The following TENT5D variants were observed in gnomAD, a reference collection of about 807,000 sequenced individuals.
TENT5D encodes the protein cancer/testis antigen 112.
For synonymous variants in TENT5D, 103 were observed against 100.6 expected (o/e 1.02, Z -0.15); for missense variants, 191 against 287.0 (o/e 0.67, Z 2.42).
At chrX:80,394,914 C>A (rs1462924310) in intron 3 of TENT5D, among the ~76,000 whole-genome samples, 1 of 111,168 alleles carries the variant, frequency 9.0e-6, no homozygotes, top group Non-Finnish European at 1.9e-5. Flanking sequence ...ATATGCAATA[C>A]ATTATCGTTA....
At chrX:80,427,396 T>C (rs1368298241) in intron 1 of TENT5D, among the ~76,000 whole-genome samples, 1 of 112,421 alleles carries the variant, frequency 8.9e-6, no homozygotes, top group Admixed American at 9.5e-5. Flanking sequence ...GCAAACCTAC[T>C]ATGTGACTTG....
chrX:80,421,080 A>T (rs1931874285), intron 1 of TENT5D, among the ~76,000 whole-genome samples: 1 of 112,545 alleles, frequency 8.9e-6, no homozygotes, highest in Admixed American at 9.4e-5. Flanking sequence ...TCAGGTAATC[A>T]AGCATGTTTA....
Position 80,372,864 on chromosome X carries a change from G to T in TENT5D, c.-142+30300G>T, listed in dbSNP as rs750326068. ...ATCTCACCACTGCACTCTAGCCTGG[G>T]CAACAGAGCGAGACTCTATCTCAAA... is the stretch of plus-strand genomic sequence containing the variant. On this transcript the variant is annotated intron_variant, in intron 3 of 4. Transcript: ENST00000538312. 5.0e-5 allele frequency among the ~76,000 whole-genome samples: 5 copies of T among 99,497 alleles called. No homozygotes were observed. The East Asian group carries it at 1.6e-3, about 32-fold the overall frequency. The allele number at this position is 99,497 out of a possible 115,157, so 86.4% of individuals were successfully genotyped here. A position where few individuals can be genotyped will look rare whatever the true frequency, so the allele number is the denominator to read the frequency against.
chrX:80,393,439 C>T (rs1243137499), intron 3 of TENT5D, among the ~76,000 whole-genome samples: 1 of 110,670 alleles, frequency 9.0e-6, no homozygotes, highest in Non-Finnish European at 1.9e-5. Context: ...TTACATATTA[C>T]AAACTTGTAT....
upstream of TENT5D, among the ~76,000 whole-genome samples, chrX:80,417,143 T>G (rs1444150195): frequency 9.0e-6 from 1 of 111,250 alleles, no homozygotes; most frequent in Non-Finnish European, 1.9e-5. Flanking sequence ...TTTTCTATTT[T>G]CCATTTGTAT....
intron 3 of TENT5D, among the ~76,000 whole-genome samples, chrX:80,361,420 A>G (rs1302616352): frequency 8.9e-6 from 1 of 112,465 alleles, no homozygotes; most frequent in Non-Finnish European, 1.9e-5. Context: ...TTTGTAAAAC[A>G]TAATTACTGC....
chrX:80,391,404 TTAAAC>T (rs759167504), intron 3 of TENT5D, among the ~76,000 whole-genome samples: 104 of 112,227 alleles, frequency 9.3e-4, no homozygotes, highest in Non-Finnish European at 1.6e-3. Flanking sequence ...ATTATATACT[TTAAAC>T]TAAATAATAT....
chrX:80,445,228 A>C (rs778216710), exon 3 of TENT5D: 1 of 122,759 alleles, frequency 8.1e-6, no homozygotes, highest in South Asian at 3.7e-4. Flanking sequence ...ATATCACAGA[A>C]CCCTGAGGCT....
intron 3 of TENT5D, among the ~76,000 whole-genome samples, chrX:80,374,152 T>C (rs1444148537): frequency 1.8e-5 from 2 of 111,622 alleles, no homozygotes; most frequent in African/African-American, 6.5e-5. Context: ...ATTCCAACCA[T>C]GTACCTGCAA....
chrX:80,445,114 A>G (rs1932359079), exon 3 of TENT5D: 1 of 122,588 alleles, frequency 8.2e-6, no homozygotes, highest in Non-Finnish European at 1.9e-5. Flanking sequence ...GTATTACAAT[A>G]TTGGACAGAA....
chrX:80,374,136 C>G (rs924478410), intron 3 of TENT5D, among the ~76,000 whole-genome samples: 26 of 111,255 alleles, frequency 2.3e-4, no homozygotes, highest in Non-Finnish European at 3.8e-5. Context: ...AGGTTAATGA[C>G]CTCCAATTCC....
chrX:80,356,543 A>C (rs1930288774), intron 3 of TENT5D, among the ~76,000 whole-genome samples: 1 of 111,376 alleles, frequency 9.0e-6, no homozygotes, highest in African/African-American at 3.3e-5. Context: ...ATAATTTTAC[A>C]GTTATTAAAT....
At chrX:80,433,288 G>A (rs971163545) in intron 1 of TENT5D, among the ~76,000 whole-genome samples, 1 of 112,121 alleles carries the variant, frequency 8.9e-6, no homozygotes, top group Non-Finnish European at 1.9e-5. Flanking sequence ...TCCTTCATCT[G>A]AGTGGGCCAG....
chrX:80,417,479 G>C (rs1487000899), upstream of TENT5D, among the ~76,000 whole-genome samples: 2 of 107,455 alleles, frequency 1.9e-5, no homozygotes, highest in African/African-American at 6.8e-5. Flanking sequence ...CCTATCTTCA[G>C]GACCTCTTCT....
upstream of TENT5D, among the ~76,000 whole-genome samples, chrX:80,418,339 A>G (rs949062726): frequency 7.2e-5 from 8 of 110,722 alleles, no homozygotes; most frequent in Non-Finnish European, 1.3e-4. Context: ...TTTTTCAAAG[A>G]CAGGGTCTCA....
chrX:80,397,562 G>C (rs1931301999), intron 3 of TENT5D, among the ~76,000 whole-genome samples: 1 of 112,092 alleles, frequency 8.9e-6, no homozygotes, highest in South Asian at 3.7e-4. Flanking sequence ...TCGGCACTTT[G>C]GGAGGCCAAG....
At chrX:80,375,287 C>A (rs183809075) in intron 3 of TENT5D, among the ~76,000 whole-genome samples, 3 of 111,245 alleles carry the variant, frequency 2.7e-5, no homozygotes, top group Admixed American at 9.7e-5. Context: ...ATTTTCTGTG[C>A]AGTTAATTGT....
At chrX:80,423,672 A>G (rs1190728874) in intron 1 of TENT5D, among the ~76,000 whole-genome samples, 3 of 109,788 alleles carry the variant, frequency 2.7e-5, no homozygotes, top group African/African-American at 1.0e-4. Context: ...TGATTTATTT[A>G]GGCCGAGCTT....
intron 3 of TENT5D, among the ~76,000 whole-genome samples, chrX:80,365,876 A>G (rs1930500788): frequency 9.0e-6 from 1 of 110,631 alleles, no homozygotes. Flanking sequence ...ATTAAATGAG[A>G]TAATATACTT....
Sources: allele counts gnomAD v4.1 joint callset (sites outside exome capture counted in the v4.1 genomes callset), GRCh38; gene constraint gnomAD v4.1.1; transcripts MANE v1.5; gene names NCBI Gene and HGNC (gene_info 2026-07-23, HGNC 2026-07-21).